Variants in RAMP3 observed in about 807,000 individuals in gnomAD.
RAMP3 encodes receptor activity-modifying protein 3.
A neutral mutation model predicts 13.5 loss-of-function variants in RAMP3; 14 were observed. The ratio of observed to expected loss-of-function variants is 1.04; its 90% CI spans 0.69 to 1.63. RAMP3 has a LOEUF of 1.63. RAMP3 is among the 40% of genes most tolerant of loss of function. RAMP3 has a pLI of 0.00. For missense variants in RAMP3, 200 were observed against 204.8 expected, an observed-to-expected ratio of 0.98 and a Z score of 0.14; for synonymous variants, 106 against 88.3, an observed-to-expected ratio of 1.20 and a Z score of -1.12.
intron 1 of RAMP3, among the ~76,000 whole-genome samples, chr7:45,174,858 C>T (rs1282415379): frequency 6.6e-6 from 1 of 152,220 alleles, no homozygotes; most frequent in Non-Finnish European, 1.5e-5. Context: ...CCCTCTCCCT[C>T]TCCCCTTGTC....
At chr7:45,175,965 T>C (rs560843760) in intron 1 of RAMP3, among the ~76,000 whole-genome samples, 2 of 152,252 alleles carry the variant, frequency 1.3e-5, no homozygotes, top group South Asian at 4.2e-4. Context: ...TAAAGTGACT[T>C]ATTCAGCACT....
intron 1 of RAMP3, among the ~76,000 whole-genome samples, chr7:45,161,738 T>C (rs1054416237): frequency 6.4e-5 from 8 of 124,190 alleles, no homozygotes; most frequent in African/African-American, 2.1e-4. Context: ...GGTGGCCTGA[T>C]AGGTGACAGT....
intron 1 of RAMP3, among the ~76,000 whole-genome samples, chr7:45,164,333 G>A (rs1367867085): frequency 6.6e-6 from 1 of 152,108 alleles, no homozygotes; most frequent in Non-Finnish European, 1.5e-5. Context: ...AGGATCACTG[G>A]AGCCTAGCCT....
intron 1 of RAMP3, among the ~76,000 whole-genome samples, chr7:45,164,231 T>A (rs1785916608): frequency 6.6e-6 from 1 of 152,240 alleles, no homozygotes; most frequent in Non-Finnish European, 1.5e-5. Flanking sequence ...CTACTTGTTC[T>A]GTAAATTATT....
Position 45,183,145 on chromosome 7 carries a change from C to G in RAMP3, c.192-12C>G, listed in dbSNP as rs971941506. On this transcript the variant is annotated splice_polypyrimidine_tract_variant and intron_variant, in intron 2 of 2. Coordinates refer to ENST00000242249, the MANE Select transcript of RAMP3 (RefSeq NM_005856.3). ...GGCGAGAGCCTGGCTTTCACCCCCT[C>G]TGCTTTTGCAGGTACTATGAGAGTT... The G allele has an allele frequency of 1.2e-6, 2 of 1,607,622 alleles. No homozygotes were observed. The highest frequency in any genetic ancestry group is 1.3e-5 in the African/African-American group (1 of 74,930).
intron 1 of RAMP3, 132 bp from the exon 2 acceptor site, chr7:45,177,177 C>T (rs1260974304): frequency 3.5e-5 from 42 of 1,205,124 alleles, no homozygotes; most frequent in African/African-American, 6.0e-5. Flanking sequence ...TGAAGGACTC[C>T]GCTGGAACGG....
chr7:45,165,751 T>C (rs1785948652), intron 1 of RAMP3, among the ~76,000 whole-genome samples: 1 of 152,230 alleles, frequency 6.6e-6, no homozygotes, highest in East Asian at 1.9e-4. Flanking sequence ...GTCTCTAGAT[T>C]TGCTTGTTCT....
rs202162694 is a variant in RAMP3 at position 45,166,958 on chromosome 7, CTT to C, written c.58+9088_58+9089del. On this transcript the variant is annotated intron_variant, in intron 1 of 2. Transcript: ENST00000242249. Reference sequence around the variant, plus strand: ...TAGCTCTACATGTAGGTCTTTGATGCTTTTTTTTTTTTTTTTTGAGACAGAGT... The same window carrying C: ...TAGCTCTACATGTAGGTCTTTGATGCTTTTTTTTTTTTTTTGAGACAGAGT... 6.9e-5 allele frequency among the ~76,000 whole-genome samples: 7 copies of C among 101,216 alleles called. 1 individual carries two copies. The highest frequency in any genetic ancestry group is 1.8e-4 in the African/African-American group (4 of 22,064). The allele number at this position is 101,216 out of a possible 152,430, so 66.4% of individuals were successfully genotyped here. A position where few individuals can be genotyped will look rare whatever the true frequency, so the allele number is the denominator to read the frequency against.
At chr7:45,170,150 CT>C (rs35891443) in intron 1 of RAMP3, among the ~76,000 whole-genome samples, 88 of 127,026 alleles carry the variant, frequency 6.9e-4, no homozygotes, top group African/African-American at 9.6e-4. Flanking sequence ...CTTTTAAAAG[CT>C]TTTTTTTTTT....
At chr7:45,158,568 A>C (rs1785807032) in intron 1 of RAMP3, among the ~76,000 whole-genome samples, 1 of 136,910 alleles carries the variant, frequency 7.3e-6, no homozygotes, top group Non-Finnish European at 1.7e-5. Flanking sequence ...AGAAAAAGTA[A>C]GAGAGAGAGA....
intron 1 of RAMP3, among the ~76,000 whole-genome samples, chr7:45,172,990 G>A (rs1033464986): frequency 3.9e-5 from 6 of 152,194 alleles, no homozygotes; most frequent in African/African-American, 1.4e-4. Flanking sequence ...ACTTGGCCGA[G>A]GGTGAAGAGT....
At chr7:45,157,913 G>A in intron 1 of RAMP3, 27 bp downstream of exon 1, 5 of 1,346,420 alleles carry the variant, frequency 3.7e-6, no homozygotes, top group Non-Finnish European at 4.7e-6. Context: ...CCGCACCGGG[G>A]GCGCCCCCAC....
intron 1 of RAMP3, among the ~76,000 whole-genome samples, chr7:45,164,832 C>T (rs963291730): frequency 2.0e-5 from 3 of 152,102 alleles, no homozygotes; most frequent in Non-Finnish European, 4.4e-5. Flanking sequence ...TATTTTGAAC[C>T]TATTTGAGTC....
intron 1 of RAMP3, among the ~76,000 whole-genome samples, chr7:45,166,175 C>CTTT (rs34697827): frequency 6.9e-6 from 1 of 145,594 alleles, no homozygotes; most frequent in Admixed American, 6.9e-5. Flanking sequence ...CTCACTGACA[C>CTTT]TTTTTTTTTT....
At chr7:45,157,982 C>T in intron 1 of RAMP3, 96 bp downstream of exon 1, 2 of 1,178,936 alleles carry the variant, frequency 1.7e-6, no homozygotes, top group Non-Finnish European at 2.2e-6. Context: ...CGCCGCGGTC[C>T]TTCCCTTGCC....
At chr7:45,181,126 G>A (rs892581721) in intron 2 of RAMP3, among the ~76,000 whole-genome samples, 2 of 152,204 alleles carry the variant, frequency 1.3e-5, no homozygotes, top group Non-Finnish European at 2.9e-5. Flanking sequence ...TAGGATAAGT[G>A]TTATTAAACC....
intron 2 of RAMP3, 54 bp downstream of exon 2, chr7:45,177,495 C>T: frequency 2.5e-6 from 4 of 1,608,160 alleles, no homozygotes; most frequent in Non-Finnish European, 3.4e-6. Context: ...CTGCCCACTG[C>T]CCAACCACTG....
chr7:45,171,228 C>T (rs1259706406), intron 1 of RAMP3, among the ~76,000 whole-genome samples: 2 of 149,702 alleles, frequency 1.3e-5, no homozygotes, highest in Admixed American at 1.3e-4. Context: ...TGATCTCGGC[C>T]CACTGCAACC....
intron 2 of RAMP3, among the ~76,000 whole-genome samples, chr7:45,179,200 G>A (rs1786254539): frequency 6.6e-6 from 1 of 152,148 alleles, no homozygotes; most frequent in South Asian, 2.1e-4. Context: ...GGTCCAGGAG[G>A]GTGGTCTAGG....
Sources: gnomAD v4.1 joint callset for allele counts (sites outside exome capture counted in the v4.1 genomes callset) on GRCh38, gnomAD v4.1.1 for gene constraint, MANE v1.5 for transcripts, NCBI Gene and HGNC (gene_info 2026-07-23, HGNC 2026-07-21) for gene names.